Variants in PALMD observed in about 807,000 individuals in gnomAD.
PALMD encodes paralemmin-like protein.
In PALMD, 42 loss-of-function variants were observed where a neutral mutation model predicts 56.2. The ratio of observed to expected loss-of-function variants is 0.75; its 90% CI spans 0.58 to 0.97. The LOEUF (loss-of-function observed/expected upper bound fraction) is 0.97. Ranked by LOEUF, PALMD falls within the 50% of genes least tolerant of loss-of-function variation. The probability of loss-of-function intolerance (pLI) is 0.00; values close to 1 mark genes in which losing one functional copy is unlikely to be tolerated. For synonymous variants in PALMD, 242 were observed against 222.9 expected, an observed-to-expected ratio of 1.09 and a Z score of -0.76; for missense variants, 660 against 643.8, an observed-to-expected ratio of 1.03 and a Z score of -0.27.
At chr1:99,658,640 G>A (rs1006265529) in intron 1 of PALMD, among the ~76,000 whole-genome samples, 16 of 151,774 alleles carry the variant, frequency 1.1e-4, no homozygotes, top group African/African-American at 7.3e-5. Flanking sequence ...GTGTGGTGGC[G>A]GGCGCCTGTA....
intron 2 of PALMD, among the ~76,000 whole-genome samples, chr1:99,667,050 C>A (rs1171923243): frequency 1.3e-5 from 2 of 152,122 alleles, no homozygotes; most frequent in African/African-American, 2.4e-5. Context: ...GCTAAGTAGG[C>A]AAAACAATAA....
chr1:99,657,177 T>C (rs1428509419), intron 1 of PALMD, among the ~76,000 whole-genome samples: 1 of 152,160 alleles, frequency 6.6e-6, no homozygotes, highest in Non-Finnish European at 1.5e-5. Context: ...TCTTTATCTC[T>C]AGCTCTGATT....
intron 1 of PALMD, among the ~76,000 whole-genome samples, chr1:99,659,864 G>A (rs1652809110): frequency 6.6e-6 from 1 of 152,142 alleles, no homozygotes; most frequent in South Asian, 2.1e-4. Flanking sequence ...TTACCCCTGA[G>A]TGACAAAACA....
chr1:99,690,111 A>C, intron 7 of PALMD: 1 of 471,910 alleles, frequency 2.1e-6, no homozygotes, highest in Non-Finnish European at 3.7e-6. Flanking sequence ...AGGAACTTTA[A>C]TAACTTGAAT....
At chr1:99,646,511 A>G (rs1652447891) in intron 1 of PALMD, 149 bp downstream of exon 1, 23 of 656,672 alleles carry the variant, frequency 3.5e-5, no homozygotes, top group South Asian at 2.7e-4. Context: ...CTTAACCCTC[A>G]TGACCCTCTG....
chr1:99,654,168 ACT>A, intron 1 of PALMD, among the ~76,000 whole-genome samples: 1 of 152,116 alleles, frequency 6.6e-6, no homozygotes, highest in Non-Finnish European at 1.5e-5. Flanking sequence ...AAGTTAATGA[ACT>A]CTCTAGTTTT....
chr1:99,685,615 C>T (rs1653474601), intron 3 of PALMD: 1 of 152,174 alleles, frequency 6.6e-6, no homozygotes, highest in Non-Finnish European at 1.5e-5. Flanking sequence ...ACTGGTGTGA[C>T]AATAGTGCAG....
At chr1:99,652,715 G>GAAAAGAAAA (rs1652623276) in intron 1 of PALMD, among the ~76,000 whole-genome samples, 1 of 97,054 alleles carries the variant, frequency 1.0e-5, no homozygotes, top group Non-Finnish European at 2.3e-5. Flanking sequence ...GAAAAGAAAA[G>GAAAAGAAAA]AAAAGAAAAG....
intron 3 of PALMD, among the ~76,000 whole-genome samples, chr1:99,674,409 C>T (rs1052327053): frequency 6.6e-6 from 1 of 152,114 alleles, no homozygotes; most frequent in Admixed American, 6.5e-5. Context: ...TCATTTTGTA[C>T]ATAAGGACAC....
Position 99,667,693 on chromosome 1 carries a change from G to C in PALMD, c.178G>C (p.Glu60Gln), listed in dbSNP as rs143990967. The C allele has an allele frequency of 2.2e-3, 3,617 of 1,613,322 alleles. 6 individuals are homozygous for C. Among genetic ancestry groups the C allele is most frequent in the Admixed American group, 3.1e-3 (186 of 59,984 alleles). Residue 60 changes from glutamate (E) to glutamine (Q), a missense_variant, in exon 3 of 8, where the codon GAA (glutamate) becomes CAA (glutamine). Transcript: ENST00000263174. ...WLLDGISSGK[E>Q]QEEMKKQNQQ... ...TCTAGATGGAATCAGCAGCGGAAAA[G>C]AACAGGAAGAGATGAAGAAGCAAAA...
At chr1:99,668,380 A>G (rs1454176293) in intron 3 of PALMD, 2 of 152,294 alleles carry the variant, frequency 1.3e-5, no homozygotes, top group African/African-American at 4.8e-5. Context: ...TTCCTGCAGA[A>G]TGGTAGTAAC....
At chr1:99,674,623 T>G (rs908766522) in intron 3 of PALMD, among the ~76,000 whole-genome samples, 1 of 152,084 alleles carries the variant, frequency 6.6e-6, no homozygotes, top group African/African-American at 2.4e-5. Context: ...AAAAAAAAAT[T>G]TGTTTTTCTC....
chr1:99,674,305 T>G, intron 3 of PALMD, among the ~76,000 whole-genome samples: 1 of 152,034 alleles, frequency 6.6e-6, no homozygotes, highest in African/African-American at 2.4e-5. Context: ...CTGAGGGTCC[T>G]CCCTCCACTC....
In PALMD at chr1:99,689,019, C is replaced by T; in HGVS notation, c.759C>T (p.Ser253=). The change falls in exon 7 of 8, where the codon TCC becomes TCT. Residue 253 remains serine (S), a synonymous_variant. Coordinates refer to ENST00000263174, the MANE Select transcript of PALMD (RefSeq NM_017734.5). The stretch of plus-strand genomic sequence containing the variant: ...AAGCCTCAGAGAGAAACTCTAAATC[C>T]CCAACAGAGTATCATGAGCCTGTAT... The part of the protein sequence containing the change: ...LRQASERNSK[S]PTEYHEPVYA... The T allele has an allele frequency of 6.2e-7, 1 of 1,613,600 alleles. No homozygotes were observed. Among genetic ancestry groups the T allele is most frequent in the Non-Finnish European group, 8.5e-7 (1 of 1,179,776 alleles).
chr1:99,660,665 C>T (rs978267723), intron 1 of PALMD, among the ~76,000 whole-genome samples: 3 of 151,762 alleles, frequency 2.0e-5, no homozygotes, highest in Non-Finnish European at 4.4e-5. Context: ...GAAATACTTA[C>T]GAAATTTTAA....
At chr1:99,684,521 T>C (rs6701684) in intron 3 of PALMD, 12,337 of 152,074 alleles carry the variant, frequency 0.081, 1,090 homozygotes, top group African/African-American at 0.22. Flanking sequence ...ATGAGTTTTA[T>C]TGTTTGTTTG....
At chr1:99,650,662 ATTGTGGTGGCCC>A (rs1652560434) in intron 1 of PALMD, among the ~76,000 whole-genome samples, 1 of 152,130 alleles carries the variant, frequency 6.6e-6, no homozygotes, top group Non-Finnish European at 1.5e-5. Flanking sequence ...ACACAAGGGA[ATTGTGGTGGCCC>A]TTGTTCAAAA....
chr1:99,648,258 A>G (rs1228812330), intron 1 of PALMD, among the ~76,000 whole-genome samples: 1 of 152,178 alleles, frequency 6.6e-6, no homozygotes, highest in African/African-American at 2.4e-5. Context: ...TCACCAGGCT[A>G]AATCCAGTCA....
At chr1:99,647,657 C>T (rs1466160296) in intron 1 of PALMD, among the ~76,000 whole-genome samples, 1 of 152,246 alleles carries the variant, frequency 6.6e-6, no homozygotes, top group African/African-American at 2.4e-5. Flanking sequence ...GACAGGAACT[C>T]GGCTCTGCTC....
Sources: allele counts gnomAD v4.1 joint callset (sites outside exome capture counted in the v4.1 genomes callset), GRCh38; gene constraint gnomAD v4.1.1; transcripts MANE v1.5; gene names NCBI Gene and HGNC (gene_info 2026-07-23, HGNC 2026-07-21).